Variants in SIRT5 observed in about 807,000 individuals in gnomAD.
The protein encoded by SIRT5 is NAD-dependent protein deacylase sirtuin-5, mitochondrial.
In SIRT5, 26 loss-of-function variants were observed where a neutral mutation model predicts 40.0. That is an observed-to-expected ratio of 0.65 (90% CI 0.48 to 0.90). The LOEUF is 0.90. SIRT5 is among the 40% of genes least tolerant of loss of function. The pLI is 0.00. For missense variants in SIRT5, 401 were observed against 402.4 expected (o/e 1.00, Z 0.03); for synonymous variants, 146 against 149.1 (o/e 0.98, Z 0.15).
intron 9 of SIRT5, among the ~76,000 whole-genome samples, chr6:13,608,263 A>G (rs1482410907): frequency 6.6e-6 from 1 of 152,200 alleles, no homozygotes; most frequent in Non-Finnish European, 1.5e-5. Context: ...TACAGAATTT[A>G]TACTAATGTA....
At chr6:13,579,386 C>T (rs1217769098) in intron 1 of SIRT5, 65 bp from the exon 2 acceptor site, 1 of 151,978 alleles carries the variant, frequency 6.6e-6, no homozygotes, top group African/African-American at 2.4e-5. Flanking sequence ...TTTTACAATC[C>T]TACCTTCATG....
chr6:13,579,853 AG>A (rs1759102822), intron 2 of SIRT5, among the ~76,000 whole-genome samples: 1 of 152,250 alleles, frequency 6.6e-6, no homozygotes, highest in African/African-American at 2.4e-5. Flanking sequence ...AAGTTTTTCC[AG>A]ATTTTAACAA....
chr6:13,599,061 T>G lies in SIRT5; in HGVS notation c.647T>G (p.Leu216Arg). Residue 216 changes from leucine (L) to arginine (R), a missense_variant, in exon 8 of 10, where the codon CTG (leucine) becomes CGG (arginine). Leu to Arg is a moderately radical substitution (Grantham distance 102). Transcript: ENST00000606117. ...RCEEAGCGGL[L>R]RPHVVWFGEN... ...GAAGAGGCAGGCTGCGGGGGCTTGC[T>G]GCGACCTCACGTCGTGTGGTTTGGA... 6.2e-7 allele frequency: 1 copy of G among 1,614,124 alleles called. No homozygotes were observed. Among genetic ancestry groups the G allele is most frequent in the Admixed American group, 1.7e-5 (1 of 60,016 alleles).
chr6:13,607,817 G>C lies in SIRT5; in HGVS notation c.858-3973G>C, dbSNP rs1046456251. ...TGCCCAGGCTGGACTGCAGTGGCAC[G>C]ATCTCGACTCACTGCAACCTCCGCC... On this transcript the variant is annotated intron_variant, in intron 9 of 9. Coordinates refer to ENST00000606117, the MANE Select transcript of SIRT5 (RefSeq NM_012241.5). This position sits in a 1 kb window ranked among gnomAD's most constrained non-coding sequence, Gnocchi z 4.0. Among the ~76,000 whole-genome samples, 3 of 152,112 alleles carry C rather than the reference G, an allele frequency of 2.0e-5. No individual in the cohort carries two copies. The highest frequency in any genetic ancestry group is 4.4e-5 in the Non-Finnish European group (3 of 68,032).
chr6:13,580,420 T>A (rs530328559), intron 2 of SIRT5, among the ~76,000 whole-genome samples: 1 of 152,092 alleles, frequency 6.6e-6, no homozygotes, highest in Non-Finnish European at 1.5e-5. Context: ...TAATTTTACG[T>A]TGCTCTAAAA....
At position 13,584,895 on chromosome 6, in the gene SIRT5, C is replaced by T. The variant is rs116651678; in HGVS notation, c.115+670C>T. On this transcript the variant is annotated intron_variant, in intron 3 of 9. Transcript: ENST00000606117. ...ACTTTGCAGCTCTACCTGGCAAAAA[C>T]CTACAAATTAACCTGTCTGGGCCCT... is the stretch of plus-strand genomic sequence containing the variant. 5.2e-3 allele frequency: 799 copies of T among 152,362 alleles called. 12 individuals are homozygous for T. The highest frequency in any genetic ancestry group is 0.023 in the South Asian group (113 of 4,822). 9.4% of individuals were successfully genotyped at this position (152,362 alleles called of 1,614,324 possible). A position where few individuals can be genotyped will look rare whatever the true frequency, so the allele number is the denominator to read the frequency against.
At chr6:13,609,172 A>G (rs902656932) in intron 9 of SIRT5, among the ~76,000 whole-genome samples, 19 of 152,234 alleles carry the variant, frequency 1.2e-4, no homozygotes, top group African/African-American at 4.3e-4. Flanking sequence ...TAATTGGTCC[A>G]TGTTTCTATG....
chr6:13,576,056 T>G (rs901719168), intron 1 of SIRT5, among the ~76,000 whole-genome samples: 3 of 152,234 alleles, frequency 2.0e-5, no homozygotes, highest in African/African-American at 7.2e-5. Flanking sequence ...CGGTCCTCAG[T>G]TGATGGATAC....
At chr6:13,602,133 G>C (rs773297792) in intron 9 of SIRT5, among the ~76,000 whole-genome samples, 2 of 152,098 alleles carry the variant, frequency 1.3e-5, no homozygotes, top group African/African-American at 4.8e-5. Flanking sequence ...TCATGGATTG[G>C]ACAACTTAAT....
At chr6:13,586,155 A>T (rs917208955) in intron 3 of SIRT5, among the ~76,000 whole-genome samples, 4 of 152,190 alleles carry the variant, frequency 2.6e-5, no homozygotes, top group African/African-American at 4.8e-5. Context: ...CCTTTGTCAG[A>T]TGGGTAGATT....
At chr6:13,600,211 A>G (rs1223746470) in intron 8 of SIRT5, among the ~76,000 whole-genome samples, 1 of 152,234 alleles carries the variant, frequency 6.6e-6, no homozygotes, top group Non-Finnish European at 1.5e-5. Context: ...TTAAAAGCAG[A>G]GGCACTTTCT....
intron 9 of SIRT5, among the ~76,000 whole-genome samples, chr6:13,602,093 G>T (rs1247153031): frequency 6.6e-6 from 1 of 152,088 alleles, no homozygotes; most frequent in Non-Finnish European, 1.5e-5. Context: ...AAATAAGGAA[G>T]GCCTAAATGA....
At chr6:13,603,313 G>A (rs967848140) in intron 9 of SIRT5, among the ~76,000 whole-genome samples, 4 of 150,010 alleles carry the variant, frequency 2.7e-5, no homozygotes, top group South Asian at 4.2e-4. Context: ...CCATAGAATC[G>A]GAGAAAATAT....
intron 9 of SIRT5, chr6:13,604,579 CTG>C (rs1392594989): frequency 3.6e-5 from 57 of 1,571,326 alleles, no homozygotes; most frequent in Non-Finnish European, 4.8e-5. Context: ...GAAAATAAAA[CTG>C]GAGTATTTCC....
intron 2 of SIRT5, among the ~76,000 whole-genome samples, chr6:13,579,908 G>A (rs1353735974): frequency 1.3e-5 from 2 of 152,324 alleles, no homozygotes; most frequent in Non-Finnish European, 2.9e-5. Flanking sequence ...TCCTTACTGA[G>A]TTTTCCAGGT....
In SIRT5 at chr6:13,611,776, T is replaced by G; in HGVS notation, c.858-14T>G. The stretch of plus-strand genomic sequence containing the variant: ...TGTAGTTCAAAACTGCTGTATTTGC[T>G]TCTTCTCTTTCAGGTTTCATTTCCA... On this transcript the variant is annotated splice_polypyrimidine_tract_variant and intron_variant, in intron 9 of 9. Transcript: ENST00000606117. The G allele has an allele frequency of 6.3e-7, 1 of 1,598,970 alleles. No homozygotes were observed. Among genetic ancestry groups the G allele is most frequent in the Non-Finnish European group, 8.6e-7 (1 of 1,166,252 alleles).
At position 13,584,178 on chromosome 6, in the gene SIRT5, C is replaced by T. The variant is rs1489873019; in HGVS notation, c.68C>T (p.Ala23Val). 3.1e-6 allele frequency: 5 copies of T among 1,614,130 alleles called. No homozygotes were observed. Among genetic ancestry groups the T allele is most frequent in the Non-Finnish European group, 4.2e-6 (5 of 1,180,024 alleles). ...SQLYCGLKPP[A>V]STRNQICLKM... ...CTATATTGTGGCCTGAAGCCTCCAGCGTCCACACGAAACCAGATTTGCCTG... is the reference window on the plus strand; with the variant it reads ...CTATATTGTGGCCTGAAGCCTCCAGTGTCCACACGAAACCAGATTTGCCTG... The change falls in exon 3 of 10, where the codon GCG becomes GTG. Residue 23 changes from alanine to valine, a missense_variant. Transcript: ENST00000606117.
intron 9 of SIRT5, chr6:13,604,794 A>G (rs1306801192): frequency 8.8e-7 from 1 of 1,132,192 alleles, no homozygotes; most frequent in African/African-American, 1.6e-5. Flanking sequence ...GACCTGTTTC[A>G]GCTGCTACTT....
intron 2 of SIRT5, among the ~76,000 whole-genome samples, chr6:13,581,696 T>G (rs765551190): frequency 7.9e-5 from 12 of 152,222 alleles, no homozygotes; most frequent in Admixed American, 2.6e-4. Flanking sequence ...GCTTCTAGTC[T>G]TGAGCCTGGC....
Sources: gnomAD v4.1 joint callset for allele counts (sites outside exome capture counted in the v4.1 genomes callset) on GRCh38, gnomAD v4.1.1 for gene constraint, Gnocchi (gnomAD v3.1) non-coding constraint, MANE v1.5 for transcripts, NCBI Gene and HGNC (gene_info 2026-07-23, HGNC 2026-07-21) for gene names.